Variants in RBPJ observed in about 807,000 individuals in gnomAD.
RBPJ encodes recombining binding protein suppressor of hairless.
A neutral mutation model predicts 67.8 loss-of-function variants in RBPJ; 9 were observed. That is an observed-to-expected ratio of 0.13 (90% confidence interval 0.08 to 0.23). The LOEUF (loss-of-function observed/expected upper bound fraction) is 0.23. Ranked by LOEUF, RBPJ falls within the 10% of genes least tolerant of loss-of-function variation. RBPJ has a pLI of 1.00. For synonymous variants in RBPJ, 198 were observed against 203.3 expected, an observed-to-expected ratio of 0.97 and a Z score of 0.22; for missense variants, 305 against 595.6, an observed-to-expected ratio of 0.51 and a Z score of 5.08.
chr4:26,218,202 C>T (rs971240623), intron 1 of RBPJ, among the ~76,000 whole-genome samples: 6 of 152,168 alleles, frequency 3.9e-5, no homozygotes, highest in Non-Finnish European at 8.8e-5. Context: ...ATCAGGGTGC[C>T]GTTATCCACC....
At chr4:26,415,454 T>C in intron 3 of RBPJ, 21 bp from the exon 4 acceptor site, 1 of 1,550,632 alleles carries the variant, frequency 6.4e-7, no homozygotes, top group Admixed American at 2.2e-5. Flanking sequence ...TTGTTTTTTT[T>C]TTTCCCCTAT....
At chr4:26,235,544 T>A (rs781668348) in intron 1 of RBPJ, among the ~76,000 whole-genome samples, 8 of 152,224 alleles carry the variant, frequency 5.3e-5, no homozygotes, top group Non-Finnish European at 1.2e-4. Flanking sequence ...TATACCATGA[T>A]CATCTTTGGT....
chr4:26,314,428 G>A (rs959373466), intron 1 of RBPJ, among the ~76,000 whole-genome samples: 18 of 152,102 alleles, frequency 1.2e-4, no homozygotes, highest in African/African-American at 4.3e-4. Context: ...GATATGCTTT[G>A]GATCTGTGTC....
chr4:26,227,257 G>T (rs1719106734), intron 1 of RBPJ, among the ~76,000 whole-genome samples: 1 of 152,148 alleles, frequency 6.6e-6, no homozygotes. Flanking sequence ...AGACCTTTGG[G>T]CAGGTGGTTA....
intron 1 of RBPJ, among the ~76,000 whole-genome samples, chr4:26,374,961 G>A (rs1166807283): frequency 1.3e-5 from 2 of 152,050 alleles, no homozygotes; most frequent in Non-Finnish European, 2.9e-5. Context: ...TAGTTTCTAA[G>A]CTGGTTTCCT....
chr4:26,364,133 A>G (rs1398402425), intron 1 of RBPJ, among the ~76,000 whole-genome samples: 1 of 152,260 alleles, frequency 6.6e-6, no homozygotes, highest in African/African-American at 2.4e-5. Context: ...TCATGGGTAG[A>G]TAAGTGTAAT....
Position 26,171,136 on chromosome 4 carries a change from T to C in RBPJ, c.-167+7522T>C, listed in dbSNP as rs574973720. Among the ~76,000 whole-genome samples, 6 of 152,368 alleles carry C rather than the reference T, an allele frequency of 3.9e-5. No homozygotes were observed. In the East Asian group the frequency reaches 1.2e-3, roughly 29 times the overall value. On this transcript the variant is annotated intron_variant, in intron 1 of 4. Coordinates refer to the RBPJ transcript ENST00000512351. ...ATATTGTTGAAGATATTTAGACTTA[T>C]TCATCCTTAATGTCATCACTTGTAA... is the stretch of plus-strand genomic sequence containing the variant.
chr4:26,118,249 G>A, the RBPJ span, among the ~76,000 whole-genome samples: 3 of 152,342 alleles, frequency 2.0e-5, no homozygotes, highest in East Asian at 1.9e-4. Context: ...AACCCTGGCT[G>A]TAGTCAGAGG....
At chr4:26,212,718 G>A (rs1026525619) in intron 1 of RBPJ, among the ~76,000 whole-genome samples, 2 of 152,082 alleles carry the variant, frequency 1.3e-5, no homozygotes, top group Non-Finnish European at 2.9e-5. Context: ...AGAAAGGAAT[G>A]TTACACAGAG....
intron 1 of RBPJ, among the ~76,000 whole-genome samples, chr4:26,171,642 C>T (rs538275845): frequency 2.2e-4 from 33 of 152,286 alleles, no homozygotes; most frequent in African/African-American, 7.2e-4. Flanking sequence ...AACAGGCTTA[C>T]GATAGTCACA....
intron 7 of RBPJ, 158 bp from the exon 8 acceptor site, chr4:26,428,561 TC>T (rs1278976680): frequency 5.4e-6 from 3 of 556,842 alleles, no homozygotes; most frequent in Non-Finnish European, 9.4e-6. Context: ...TTATTCCTAG[TC>T]TTTTTGTTTG....
chr4:26,358,264 CTAGTAG>C, intron 1 of RBPJ, among the ~76,000 whole-genome samples: 1 of 152,042 alleles, frequency 6.6e-6, no homozygotes, highest in South Asian at 2.1e-4. Flanking sequence ...ATGTATCCTA[CTAGTAG>C]TAAGTACCAT....
upstream of RBPJ, chr4:26,320,838 G>C (rs1405551815): frequency 1.3e-6 from 2 of 1,565,060 alleles, no homozygotes; most frequent in South Asian, 2.3e-5. Flanking sequence ...GGAAGGCAGC[G>C]AGCAGGATCC....
At chr4:26,365,921 G>T (rs1728575065) in intron 1 of RBPJ, among the ~76,000 whole-genome samples, 1 of 152,196 alleles carries the variant, frequency 6.6e-6, no homozygotes, top group South Asian at 2.1e-4. Flanking sequence ...GTAGTATCTT[G>T]CCCCTTGGCA....
chr4:26,403,480 C>G (rs776222362), intron 2 of RBPJ, among the ~76,000 whole-genome samples: 4 of 151,980 alleles, frequency 2.6e-5, no homozygotes, highest in Non-Finnish European at 5.9e-5. Flanking sequence ...ATTTCATCAC[C>G]CAGGTATTAC....
At chr4:26,366,024 C>T (rs535390861) in intron 1 of RBPJ, among the ~76,000 whole-genome samples, 6 of 152,274 alleles carry the variant, frequency 3.9e-5, no homozygotes, top group South Asian at 2.1e-4. Flanking sequence ...TGCTGCCTCC[C>T]GTGAACCCCC....
chr4:26,133,301 T>A, the RBPJ span, among the ~76,000 whole-genome samples: 2 of 152,180 alleles, frequency 1.3e-5, no homozygotes, highest in Admixed American at 1.3e-4. Flanking sequence ...CAAGGCCAAG[T>A]GCAATGGTTC....
At chr4:26,113,503 A>G in the RBPJ span, 2 of 550,116 alleles carry the variant, frequency 3.6e-6, no homozygotes, top group Non-Finnish European at 7.1e-6. Context: ...ACTGTAAGCA[A>G]TGTGGAAAAA....
chr4:26,395,223 A>T (rs1424770408), intron 2 of RBPJ, among the ~76,000 whole-genome samples: 1 of 152,140 alleles, frequency 6.6e-6, no homozygotes, highest in Non-Finnish European at 1.5e-5. Flanking sequence ...TTGGGTGGCC[A>T]AGGCAGGAGG....
Sources: gnomAD v4.1 joint callset for allele counts (sites outside exome capture counted in the v4.1 genomes callset) on GRCh38, gnomAD v4.1.1 for gene constraint, MANE v1.5 for transcripts, NCBI Gene and HGNC (gene_info 2026-07-23, HGNC 2026-07-21) for gene names.